Variants in USP36 observed in about 807,000 individuals in gnomAD.
USP36 encodes ubiquitin carboxyl-terminal hydrolase 36.
A neutral mutation model predicts 111.5 loss-of-function variants in USP36; 59 were observed. That is an observed-to-expected ratio of 0.53 (90% CI 0.43 to 0.66). The LOEUF (loss-of-function observed/expected upper bound fraction) is 0.66. Ranked by LOEUF, USP36 falls within the 30% of genes least tolerant of loss-of-function variation. USP36 has a pLI of 0.00. For missense variants in USP36, 1,488 were observed against 1,468.0 expected (o/e 1.01, Z -0.22); for synonymous variants, 628 against 581.0 (o/e 1.08, Z -1.16).
rs943743176 is a variant in USP36, at chr17:78,801,531, C to T, written c.3022+793G>A. On this transcript the variant is annotated intron_variant, in intron 17 of 20. Coordinates refer to ENST00000449938, the MANE Select transcript of USP36 (RefSeq NM_001385174.1). Reference sequence around the variant, plus strand: ...AGCAGCCAGGACTTTCTCTCCCCTTCACTTAACAAATGTGTTCTGTGGCGG... The same window carrying T: ...AGCAGCCAGGACTTTCTCTCCCCTTTACTTAACAAATGTGTTCTGTGGCGG... Among the ~76,000 whole-genome samples, 6 of 152,356 alleles carry T rather than the reference C, an allele frequency of 3.9e-5. 2 individuals are homozygous for T. Among genetic ancestry groups the T allele is most frequent in the Non-Finnish European group, 1.5e-5 (1 of 68,030 alleles).
chr17:78,835,916 A>G (rs935891443), intron 3 of USP36, 195 bp downstream of exon 3: 3 of 790,792 alleles, frequency 3.8e-6, no homozygotes, highest in Non-Finnish European at 5.9e-6. Flanking sequence ...ACACAGATCC[A>G]CCAAGCACAC....
In USP36 at chr17:78,798,404, T is replaced by G; in HGVS notation, c.*16A>C. 6.2e-7 allele frequency: 1 copy of G among 1,613,208 alleles called. No individual in the cohort carries two copies. The highest frequency in any genetic ancestry group is 8.5e-7 in the Non-Finnish European group (1 of 1,179,676). On this transcript the variant is annotated 3_prime_UTR_variant, in exon 20 of 21. Transcript: ENST00000449938. The surrounding 1 kb of genome is among the most constrained non-coding windows in gnomAD (Gnocchi z 5.1). The stretch of plus-strand genomic sequence containing the variant: ...ACCCACCCCCTCGGAACCGACCTCC[T>G]TCCACAGGGGCACAGTCAGCGGCGA...
chr17:78,800,875 A>C (rs1260804019), intron 17 of USP36, among the ~76,000 whole-genome samples: 1 of 152,024 alleles, frequency 6.6e-6, no homozygotes, highest in Non-Finnish European at 1.5e-5. Context: ...GGCGCACCGC[A>C]AGTGCTCAAG....
At chr17:78,831,458 C>T (rs1052175264) in intron 4 of USP36, among the ~76,000 whole-genome samples, 1 of 151,166 alleles carries the variant, frequency 6.6e-6, no homozygotes, top group African/African-American at 2.4e-5. Flanking sequence ...ACTAAAAATA[C>T]AAACATTAGC....
chr17:78,827,787 T>C (rs527553574), intron 5 of USP36, among the ~76,000 whole-genome samples: 98 of 152,290 alleles, frequency 6.4e-4, no homozygotes, highest in Admixed American at 2.8e-3. Flanking sequence ...CATGTGCCTG[T>C]AGTCCCAGCT....
chr17:78,792,761 C>T (rs1160270821), downstream of USP36, among the ~76,000 whole-genome samples: 1 of 152,062 alleles, frequency 6.6e-6, no homozygotes, highest in East Asian at 1.9e-4. Flanking sequence ...CTCTGTCGCC[C>T]AGGCTGGAGT....
At chr17:78,822,088 C>T (rs1440108118) in intron 6 of USP36, 84 bp from the exon 7 acceptor site, 15 of 1,503,200 alleles carry the variant, frequency 1.0e-5, no homozygotes, top group Non-Finnish European at 1.4e-5. Context: ...CCCATGCCCA[C>T]CAGTCACAAG....
intron 10 of USP36, among the ~76,000 whole-genome samples, chr17:78,815,892 AC>A (rs2094172750): frequency 6.6e-6 from 1 of 152,108 alleles, no homozygotes; most frequent in African/African-American, 2.4e-5. Context: ...CATGCACAAC[AC>A]ATACATGCAC....
rs546293023 is a variant in USP36 at position 78,803,715 on chromosome 17, G to A, written c.2480C>T (p.Thr827Met). 15 of 1,611,860 alleles carry A rather than the reference G, an allele frequency of 9.3e-6. No homozygotes were observed. Among genetic ancestry groups the A allele is most frequent in the South Asian group, 3.3e-5 (3 of 91,030 alleles). Residue 827 changes from threonine (T) to methionine (M), a missense_variant, in exon 16 of 21, where the codon ACG becomes ATG. Transcript: ENST00000449938. This position sits in a 1 kb window ranked among gnomAD's most constrained non-coding sequence, Gnocchi z 4.6. ...VGEPQRLGSE[T>M]RLPQHIREAT... ...CTCCCTGATGTGCTGTGGGAGGCGC[G>A]TCTCTGAGCCCAGCCTCTGCGGCTC...
chr17:78,799,661 C>A lies in USP36; in HGVS notation c.3124+6G>T. ...GCAAACAGAAGTCCTGTCTCCAAAT[C>A]AGTACCTTTTCTCCCGTAAGCTTTA... On this transcript the variant is annotated splice_donor_region_variant and intron_variant, in intron 18 of 20. Transcript: ENST00000449938. 6.2e-7 allele frequency: 1 copy of A among 1,612,048 alleles called. No homozygotes were observed. The highest frequency in any genetic ancestry group is 1.1e-5 in the South Asian group (1 of 90,714).
chr17:78,802,905 G>T (rs2093791314), intron 16 of USP36, among the ~76,000 whole-genome samples: 1 of 152,062 alleles, frequency 6.6e-6, no homozygotes, highest in African/African-American at 2.4e-5. Flanking sequence ...TCGCTTCAAG[G>T]ATCAATCCAC....
intron 16 of USP36, among the ~76,000 whole-genome samples, chr17:78,803,000 G>A (rs1000068866): frequency 3.3e-5 from 5 of 151,762 alleles, no homozygotes; most frequent in African/African-American, 9.7e-5. Flanking sequence ...GTGCAGTGAC[G>A]CGATCTCAGC....
chr17:78,833,760 C>T lies in USP36; in HGVS notation c.475+1520G>A, dbSNP rs577731061. On this transcript the variant is annotated intron_variant, in intron 4 of 20. Transcript: ENST00000449938. ...GCTTACAGTTTTTTAGAAACTGTGT[C>T]ATTTGGTAGTATTTTCCTACAATTT... Among the ~76,000 whole-genome samples, 3 of 152,278 alleles carry T rather than the reference C, an allele frequency of 2.0e-5. No individual in the cohort carries two copies. In the South Asian group the frequency reaches 6.2e-4, roughly 32 times the overall value.
rs2093932598 is a variant in USP36 at position 78,807,283 on chromosome 17, A to G, written c.1761T>C (p.Ala587=). 6.2e-7 allele frequency: 1 copy of G among 1,614,002 alleles called. No individual in the cohort carries two copies. The highest frequency in any genetic ancestry group is 8.5e-7 in the Non-Finnish European group (1 of 1,180,014). The change falls in exon 14 of 21, where the codon GCT becomes GCC. Residue 587 remains alanine (A), a synonymous_variant. Coordinates refer to ENST00000449938, the MANE Select transcript of USP36 (RefSeq NM_001385174.1). ...VVLSTSPKLL[A]TATANGHGLK... ...GCCCATGCCCGTTGGCAGTGGCTGTAGCCAGGAGCTTAGGTGAGGTAGAGA... is the reference window on the plus strand; with the variant it reads ...GCCCATGCCCGTTGGCAGTGGCTGTGGCCAGGAGCTTAGGTGAGGTAGAGA...
intron 12 of USP36, 136 bp downstream of exon 12, chr17:78,813,637 G>A (rs1032342576): frequency 4.5e-5 from 33 of 732,352 alleles, no homozygotes; most frequent in Non-Finnish European, 7.0e-5. Context: ...CCCTGTGGAC[G>A]GTCTCTATGA....
At chr17:78,805,602 G>A (rs1029561958) in intron 15 of USP36, among the ~76,000 whole-genome samples, 1 of 152,178 alleles carries the variant, frequency 6.6e-6, no homozygotes, top group Non-Finnish European at 1.5e-5. Flanking sequence ...TGCCACTCGA[G>A]GCACCTAAGA....
chr17:78,802,907 T>A (rs970969386), intron 16 of USP36, among the ~76,000 whole-genome samples: 1 of 152,158 alleles, frequency 6.6e-6, no homozygotes, highest in Non-Finnish European at 1.5e-5. Flanking sequence ...GCTTCAAGGA[T>A]CAATCCACTG....
intron 3 of USP36, among the ~76,000 whole-genome samples, chr17:78,787,845 G>A (rs1308319284): frequency 6.6e-6 from 1 of 152,342 alleles, no homozygotes; most frequent in South Asian, 2.1e-4. Flanking sequence ...TCATTAGGGT[G>A]GGACCTAATC....
At chr17:78,809,735 T>C (rs2094002562) in intron 13 of USP36, among the ~76,000 whole-genome samples, 1 of 152,056 alleles carries the variant, frequency 6.6e-6, no homozygotes, top group African/African-American at 2.4e-5. Context: ...GTGATCCTCC[T>C]GCCTCAACCT....
Sources: allele counts gnomAD v4.1 joint callset (sites outside exome capture counted in the v4.1 genomes callset), GRCh38; gene constraint gnomAD v4.1.1; non-coding constraint Gnocchi (gnomAD v3.1); transcripts MANE v1.5; gene names NCBI Gene and HGNC (gene_info 2026-07-23, HGNC 2026-07-21).